PCDH11Y: variants seen among roughly 807,000 people sequenced by gnomAD.
PCDH11Y encodes the protein protocadherin-11 Y-linked.
For missense variants in PCDH11Y, 12 were observed against 224.8 expected, an observed-to-expected ratio of 0.05 and a Z score of 6.05; for synonymous variants, 9 against 83.6, an observed-to-expected ratio of 0.11 and a Z score of 4.87.
In PCDH11Y at chrY:5,316,153, C is replaced by T. The variant is rs370275570; in HGVS notation, c.3130-184904C>T. On this transcript the variant is annotated intron_variant, in intron 2 of 4. Coordinates refer to the PCDH11Y transcript ENST00000400457. ...CTTGGTTTTATATATTTTAGGAAGACATGGGACATTAATCAAATACATTTA... is the reference window on the plus strand; with the variant it reads ...CTTGGTTTTATATATTTTAGGAAGATATGGGACATTAATCAAATACATTTA... Among the ~76,000 whole-genome samples, 36 of 33,218 alleles carry T rather than the reference C, an allele frequency of 1.1e-3. No individual in the cohort carries two copies. In the South Asian group the frequency reaches 0.013, roughly 12 times the overall value. 89.1% of individuals were successfully genotyped at this position (33,218 alleles called of 37,273 possible).
chrY:5,193,630 T>C (rs2052915000), intron 2 of PCDH11Y, among the ~76,000 whole-genome samples: 2 of 33,141 alleles, frequency 6.0e-5, no homozygotes, highest in Non-Finnish European at 1.5e-4. Context: ...AGCAATGAAG[T>C]TTCACATCCT....
In PCDH11Y at chrY:5,046,544, G is replaced by A. The variant is rs376474485; in HGVS notation, c.33-10345G>A. ...GTCAGACAGGGACATTGAAGTCTGC[G>A]GAGGTTACTGCTTTCTTTTTGTTTG... is the stretch of plus-strand genomic sequence containing the variant. On this transcript the variant is annotated intron_variant, in intron 3 of 5. Coordinates refer to the PCDH11Y transcript ENST00000333703. 0.011 allele frequency among the ~76,000 whole-genome samples: 389 copies of A among 34,106 alleles called. No homozygotes were observed. In the Middle Eastern group the frequency reaches 0.21, roughly 18 times the overall value. 91.5% of individuals were successfully genotyped at this position (34,106 alleles called of 37,273 possible).
intron 4 of PCDH11Y, among the ~76,000 whole-genome samples, chrY:5,611,746 G>A: frequency 4.0e-5 from 1 of 24,700 alleles, no homozygotes; most frequent in Non-Finnish European, 9.4e-5. Context: ...GCAAGCCTGG[G>A]CAATGGCGGG....
chrY:5,435,017 C>G (rs2053272669), intron 2 of PCDH11Y, among the ~76,000 whole-genome samples: 1 of 33,324 alleles, frequency 3.0e-5, no homozygotes, highest in African/African-American at 1.2e-4. Context: ...TTATGAAGAT[C>G]CTGACACATC....
chrY:5,524,562 A>C, intron 3 of PCDH11Y, among the ~76,000 whole-genome samples: 6 of 33,198 alleles, frequency 1.8e-4, no homozygotes, highest in African/African-American at 7.1e-4. Context: ...TTGTACTTTT[A>C]AAATTTTACT....
chrY:5,057,304 A>G (rs2052665105), exon 1 of PCDH11Y: 1 of 391,745 alleles, frequency 2.6e-6, no homozygotes, highest in African/African-American at 6.8e-5. Flanking sequence ...ACGTTTTCTG[A>G]TAGAAGATAT....
intron 2 of PCDH11Y, among the ~76,000 whole-genome samples, chrY:5,136,875 G>T (rs2052841382): frequency 3.0e-5 from 1 of 33,501 alleles, no homozygotes; most frequent in Non-Finnish European, 7.4e-5. Context: ...AGAAAGAAGA[G>T]AAATCTAAAA....
chrY:5,200,667 G>A lies in PCDH11Y; in HGVS notation c.3129+99960G>A, dbSNP rs1339776577. 4.9e-4 allele frequency among the ~76,000 whole-genome samples: 16 copies of A among 32,781 alleles called. No individual in the cohort carries two copies. The East Asian group carries it at 9.9e-3, about 20-fold the overall frequency. 87.9% of individuals were successfully genotyped at this position (32,781 alleles called of 37,273 possible). A position where few individuals can be genotyped will look rare whatever the true frequency, so the allele number is the denominator to read the frequency against. The stretch of plus-strand genomic sequence containing the variant: ...AGTGGTGCGATCAGGGCTAACTGTA[G>A]CCTCAACCTCCCAGGCTCAAGTAAT... On this transcript the variant is annotated intron_variant, in intron 2 of 4. Transcript: ENST00000400457.
At chrY:5,723,131 T>C in intron 4 of PCDH11Y, among the ~76,000 whole-genome samples, 4 of 31,312 alleles carry the variant, frequency 1.3e-4, no homozygotes, top group Admixed American at 1.2e-3. Context: ...AGCACAAAGA[T>C]AGGTAGAAGC....
intron 2 of PCDH11Y, among the ~76,000 whole-genome samples, chrY:5,270,501 C>T: frequency 5.5e-5 from 1 of 18,100 alleles, no homozygotes; most frequent in African/African-American, 2.2e-4. Context: ...AGCGAGACTC[C>T]ATTACAAAAA....
intron 2 of PCDH11Y, among the ~76,000 whole-genome samples, chrY:5,480,788 C>T (rs1602931747): frequency 5.9e-5 from 2 of 33,987 alleles, no homozygotes; most frequent in South Asian, 6.6e-4. Context: ...TGGCCACAGC[C>T]GTTTTGCTGC....
At chrY:5,483,831 A>C in intron 2 of PCDH11Y, among the ~76,000 whole-genome samples, 3 of 32,780 alleles carry the variant, frequency 9.2e-5, no homozygotes, top group African/African-American at 3.6e-4. Flanking sequence ...ATTATAAACT[A>C]ACCCTCAATT....
intron 2 of PCDH11Y, among the ~76,000 whole-genome samples, chrY:5,475,205 T>C: frequency 1.2e-4 from 4 of 33,080 alleles, no homozygotes; most frequent in Admixed American, 1.1e-3. Flanking sequence ...TCCAGTAGTA[T>C]ATTGAATACA....
At chrY:5,599,381 A>G (rs2557188) in intron 4 of PCDH11Y, among the ~76,000 whole-genome samples, 2 of 33,010 alleles carry the variant, frequency 6.1e-5, no homozygotes, top group Non-Finnish European at 1.5e-4. Context: ...ATAAATATAT[A>G]AAATAATATG....
intron 2 of PCDH11Y, among the ~76,000 whole-genome samples, chrY:5,405,859 ACTAT>A (rs2053238257): frequency 3.0e-5 from 1 of 33,578 alleles, no homozygotes; most frequent in Admixed American, 2.7e-4. Flanking sequence ...AGCAAAATGA[ACTAT>A]CTAATTACTC....
At chrY:5,093,524 G>C in intron 1 of PCDH11Y, among the ~76,000 whole-genome samples, 2 of 32,784 alleles carry the variant, frequency 6.1e-5, no homozygotes, top group Non-Finnish European at 1.5e-4. Context: ...GTGTTTGACA[G>C]ATGTAGGGTT....
intron 2 of PCDH11Y, among the ~76,000 whole-genome samples, chrY:5,116,142 TGTTTA>T (rs2052810625): frequency 2.9e-5 from 1 of 33,900 alleles, no homozygotes; most frequent in African/African-American, 1.2e-4. Context: ...ATTGGGGTTT[TGTTTA>T]GTTTAGTTTC....
chrY:5,514,939 A>AT (rs2124689417), intron 3 of PCDH11Y, among the ~76,000 whole-genome samples: 1 of 33,566 alleles, frequency 3.0e-5, no homozygotes, highest in South Asian at 6.6e-4. Flanking sequence ...GTTTTAAAGG[A>AT]TTTTATCTTG....
chrY:5,319,618 T>G (rs2053110731), intron 2 of PCDH11Y, among the ~76,000 whole-genome samples: 1 of 33,058 alleles, frequency 3.0e-5, no homozygotes, highest in African/African-American at 1.2e-4. Context: ...CTGTAGAGAT[T>G]TCAGCTAATA....
Sources: allele counts gnomAD v4.1 joint callset (sites outside exome capture counted in the v4.1 genomes callset), GRCh38; gene constraint gnomAD v4.1.1; transcripts MANE v1.5; gene names NCBI Gene and HGNC (gene_info 2026-07-23, HGNC 2026-07-21).